TTC29: variants seen among roughly 807,000 people sequenced by gnomAD.
TTC29 encodes the protein tetratricopeptide repeat protein 29.
TTC29 carries 49 observed loss-of-function variants against 58.1 expected under a neutral mutation model. The observed-to-expected ratio is 0.84, with a 90% CI of 0.67 to 1.07. The LOEUF is 1.07. TTC29 is among the 50% of genes least tolerant of loss of function. The probability of loss-of-function intolerance (pLI) is 0.00; values close to 1 mark genes in which losing one functional copy is unlikely to be tolerated. For synonymous variants in TTC29, 209 were observed against 196.8 expected (o/e 1.06, Z -0.52); for missense variants, 582 against 555.6 (o/e 1.05, Z -0.48).
At chr4:146,737,557 G>C (rs1004822496) in intron 11 of TTC29, among the ~76,000 whole-genome samples, 1 of 132,260 alleles carries the variant, frequency 7.6e-6, no homozygotes, top group African/African-American at 2.7e-5. Context: ...GGCCCTGAAC[G>C]CATCTGGCAA....
chr4:146,708,357 C>T (rs6839803), intron 11 of TTC29, among the ~76,000 whole-genome samples: 2,298 of 16,262 alleles, frequency 0.14, 336 homozygotes, highest in South Asian at 0.25. Flanking sequence ...TATATATATA[C>T]ACATGTATGT....
At chr4:146,930,088 T>TATATAC (rs2150316663) in intron 4 of TTC29, among the ~76,000 whole-genome samples, 1 of 87,758 alleles carries the variant, frequency 1.1e-5, no homozygotes, top group Admixed American at 1.1e-4. Context: ...TGTGTGCATA[T>TATATAC]ATATATATAT....
intron 11 of TTC29, among the ~76,000 whole-genome samples, chr4:146,722,738 T>TC (rs76381676): frequency 0.036 from 5,542 of 152,224 alleles, 308 homozygotes; most frequent in East Asian, 0.13. Context: ...TCACTCTGTT[T>TC]CCAGATTGGA....
At position 146,774,349 on chromosome 4, in the gene TTC29, T is replaced by C. The variant is rs954469109; in HGVS notation, c.1330+29108A>G. ...TGTTAATGAGAGATCTTTCTAATTT[T>C]TTGATGTGGGTGTTCAGCCTATAAA... On this transcript the variant is annotated intron_variant, in intron 11 of 12. Coordinates refer to ENST00000325106, the MANE Select transcript of TTC29 (RefSeq NM_031956.4). 9.9e-5 allele frequency among the ~76,000 whole-genome samples: 15 copies of C among 152,182 alleles called. 1 individual carries two copies. The highest frequency in any genetic ancestry group is 1.9e-4 in the Non-Finnish European group (13 of 68,016).
At chr4:146,788,141 C>G (rs920154454) in intron 11 of TTC29, among the ~76,000 whole-genome samples, 1 of 152,222 alleles carries the variant, frequency 6.6e-6, no homozygotes, top group Admixed American at 6.5e-5. Context: ...CACCACATAG[C>G]AAGTCAACTG....
chr4:146,853,062 C>T (rs1729612229), intron 8 of TTC29, among the ~76,000 whole-genome samples: 1 of 151,954 alleles, frequency 6.6e-6, no homozygotes, highest in Non-Finnish European at 1.5e-5. Context: ...CATGAACAAC[C>T]TATGTAAAAC....
chr4:146,834,024 A>C (rs1448278469), intron 8 of TTC29, 127 bp from the exon 9 acceptor site: 1 of 570,234 alleles, frequency 1.8e-6, no homozygotes, highest in East Asian at 3.2e-5. Context: ...TTGTTGATTA[A>C]AAATTCATGT....
chr4:146,833,980 T>A (rs747583952), intron 8 of TTC29, 83 bp from the exon 9 acceptor site: 41 of 952,016 alleles, frequency 4.3e-5, no homozygotes, highest in Non-Finnish European at 6.2e-5. Flanking sequence ...AAAAATAAAA[T>A]TAATAGTTGG....
intron 6 of TTC29, among the ~76,000 whole-genome samples, chr4:146,891,923 T>C (rs1412323989): frequency 6.6e-6 from 1 of 152,156 alleles, no homozygotes; most frequent in Non-Finnish European, 1.5e-5. Context: ...TAGATTATCT[T>C]GGGGAAAGCA....
At position 146,911,069 on chromosome 4, in the gene TTC29, T is replaced by C. The variant is rs114408215; in HGVS notation, c.177-1820A>G. ...ATATCCTGCTTCCCATCTAGGGTTATTGAAGGCAGGGAGGATTACCAACAT... is the reference window on the plus strand; with the variant it reads ...ATATCCTGCTTCCCATCTAGGGTTACTGAAGGCAGGGAGGATTACCAACAT... On this transcript the variant is annotated intron_variant, in intron 4 of 12. Coordinates refer to ENST00000325106, the MANE Select transcript of TTC29 (RefSeq NM_031956.4). 3.9e-3 allele frequency among the ~76,000 whole-genome samples: 588 copies of C among 152,224 alleles called. 6 individuals carry two copies. The highest frequency in any genetic ancestry group is 0.013 in the African/African-American group (545 of 41,526).
chr4:146,930,098 T>TACACACATATATATATATATATACAC, intron 4 of TTC29, among the ~76,000 whole-genome samples: 1 of 118,730 alleles, frequency 8.4e-6, no homozygotes, highest in African/African-American at 3.9e-5. Flanking sequence ...TATATATATA[T>TACACACATATATATATATATATACAC]ATATATATAT....
chr4:146,924,852 T>C (rs927308456), intron 4 of TTC29, among the ~76,000 whole-genome samples: 10 of 152,028 alleles, frequency 6.6e-5, no homozygotes, highest in African/African-American at 2.4e-4. Context: ...TTTAATGCTA[T>C]AAATTTCCTT....
intron 4 of TTC29, among the ~76,000 whole-genome samples, chr4:146,917,341 T>G (rs1339065219): frequency 6.8e-6 from 1 of 147,684 alleles, no homozygotes; most frequent in Non-Finnish European, 1.5e-5. Flanking sequence ...TAATTTAACA[T>G]ATTTTAATTA....
intron 4 of TTC29, among the ~76,000 whole-genome samples, chr4:146,923,425 T>C (rs1225402995): frequency 6.6e-6 from 1 of 151,652 alleles, no homozygotes. Context: ...ATAGAAAATC[T>C]AGTAACTTTA....
At chr4:146,878,733 T>G (rs1448748958) in intron 6 of TTC29, among the ~76,000 whole-genome samples, 1 of 152,178 alleles carries the variant, frequency 6.6e-6, no homozygotes, top group African/African-American at 2.4e-5. Flanking sequence ...AGTTCTATAA[T>G]TCTCTGACTT....
chr4:146,773,146 A>G (rs1747851366), intron 11 of TTC29, among the ~76,000 whole-genome samples: 1 of 152,144 alleles, frequency 6.6e-6, no homozygotes, highest in Admixed American at 6.5e-5. Context: ...TTCCAGGTAT[A>G]GTATCATCTA....
chr4:146,894,529 G>A (rs1158034496), intron 6 of TTC29, among the ~76,000 whole-genome samples: 1 of 141,700 alleles, frequency 7.1e-6, no homozygotes, highest in East Asian at 2.1e-4. Context: ...AGGGCCTGTT[G>A]TGGGGTTGGG....
In TTC29 at chr4:146,723,133, A is replaced by T. The variant is rs578108843; in HGVS notation, c.1331-15582T>A. 9.9e-5 allele frequency among the ~76,000 whole-genome samples: 15 copies of T among 152,172 alleles called. No homozygotes were observed. The South Asian group carries it at 3.1e-3, about 32-fold the overall frequency. ...TGTGGTGGCACGTGCCTATAATCCC[A>T]GCTACTCGGGAGGCTGAAGCAGGAG... On this transcript the variant is annotated intron_variant, in intron 11 of 12. Coordinates refer to ENST00000325106, the MANE Select transcript of TTC29 (RefSeq NM_031956.4).
intron 11 of TTC29, among the ~76,000 whole-genome samples, chr4:146,766,823 A>G (rs1349047189): frequency 2.0e-5 from 3 of 152,126 alleles, no homozygotes; most frequent in Non-Finnish European, 2.9e-5. Context: ...GGCTTGTAAC[A>G]GGGATTGTGA....
Sources: gnomAD v4.1 joint callset for allele counts (sites outside exome capture counted in the v4.1 genomes callset) on GRCh38, gnomAD v4.1.1 for gene constraint, MANE v1.5 for transcripts, NCBI Gene and HGNC (gene_info 2026-07-23, HGNC 2026-07-21) for gene names.